CCSER1: variants seen among roughly 807,000 people sequenced by gnomAD.
CCSER1 encodes the protein coiled-coil serine rich protein 1.
In CCSER1, 41 loss-of-function variants were observed where a neutral mutation model predicts 82.0. That is an observed-to-expected ratio of 0.50 (90% CI 0.39 to 0.65). The LOEUF (loss-of-function observed/expected upper bound fraction) is 0.65. Among genes scored for constraint, CCSER1 ranks in the 30% least tolerant of loss-of-function variants. The pLI, the probability that CCSER1 is intolerant of heterozygous loss-of-function variation, is 0.00. For synonymous variants in CCSER1, 414 were observed against 383.9 expected (o/e 1.08, Z -0.92); for missense variants, 1,119 against 1,064.2 (o/e 1.05, Z -0.72).
chr4:91,046,758 T>C (rs932810099), intron 9 of CCSER1, among the ~76,000 whole-genome samples: 3 of 151,934 alleles, frequency 2.0e-5, no homozygotes, highest in Non-Finnish European at 4.4e-5. Context: ...TTGCTCTGTC[T>C]CCAGGCTGGA....
At chr4:90,802,278 T>C (rs1425606950) in intron 7 of CCSER1, among the ~76,000 whole-genome samples, 2 of 148,054 alleles carry the variant, frequency 1.4e-5, no homozygotes, top group Non-Finnish European at 3.0e-5. Context: ...ATATTATATG[T>C]AAATATATTT....
chr4:91,163,679 T>C (rs1302538258), intron 10 of CCSER1, among the ~76,000 whole-genome samples: 3 of 152,220 alleles, frequency 2.0e-5, no homozygotes, highest in Admixed American at 2.0e-4. Context: ...CCTTTACCCT[T>C]ATGTAATGGC....
At chr4:91,083,686 T>G (rs988678960) in intron 9 of CCSER1, among the ~76,000 whole-genome samples, 1 of 151,992 alleles carries the variant, frequency 6.6e-6, no homozygotes, top group Non-Finnish European at 1.5e-5. Context: ...AAATTAAACT[T>G]CTAGAAATGA....
At chr4:90,494,520 G>A (rs979129014) in intron 5 of CCSER1, among the ~76,000 whole-genome samples, 2 of 152,110 alleles carry the variant, frequency 1.3e-5, no homozygotes, top group Non-Finnish European at 2.9e-5. Flanking sequence ...TGGAAGTAAA[G>A]CACTCCTAAA....
chr4:90,653,966 T>G (rs1579738496), intron 6 of CCSER1, among the ~76,000 whole-genome samples: 1 of 152,214 alleles, frequency 6.6e-6, no homozygotes, highest in African/African-American at 2.4e-5. Context: ...AGCAAGAACC[T>G]TCTTTACATG....
chr4:91,366,752 C>T (rs1258043926), intron 10 of CCSER1, among the ~76,000 whole-genome samples: 1 of 152,288 alleles, frequency 6.6e-6, no homozygotes, highest in South Asian at 2.1e-4. Context: ...TGCTGGTAAT[C>T]CTGGTTGTTA....
chr4:91,387,034 A>C (rs1751342207), intron 10 of CCSER1, among the ~76,000 whole-genome samples: 1 of 152,048 alleles, frequency 6.6e-6, no homozygotes, highest in African/African-American at 2.4e-5. Flanking sequence ...CAGTCTTATA[A>C]AGAACAAAAT....
intron 10 of CCSER1, among the ~76,000 whole-genome samples, chr4:91,407,675 A>G (rs1326847298): frequency 6.6e-6 from 1 of 152,188 alleles, no homozygotes; most frequent in Non-Finnish European, 1.5e-5. Context: ...AAACAGGAGC[A>G]GGCTTCTATA....
intron 10 of CCSER1, among the ~76,000 whole-genome samples, chr4:91,154,401 C>T (rs964511165): frequency 6.6e-6 from 1 of 152,036 alleles, no homozygotes; most frequent in Non-Finnish European, 1.5e-5. Context: ...TTTCCTGGTG[C>T]CATTTGTTAC....
At chr4:90,127,942 C>G (rs1177372207) in intron 1 of CCSER1, 111 bp downstream of exon 1, 1 of 151,772 alleles carries the variant, frequency 6.6e-6, no homozygotes, top group Non-Finnish European at 1.5e-5. Context: ...GTGACCGCGC[C>G]GTGTCGGGGC....
At chr4:91,207,918 G>T (rs1736476882) in intron 10 of CCSER1, among the ~76,000 whole-genome samples, 1 of 151,606 alleles carries the variant, frequency 6.6e-6, no homozygotes, top group South Asian at 2.1e-4. Flanking sequence ...AATAACAGCC[G>T]TTCTGACTGG....
Position 90,309,577 on chromosome 4 carries a change from A to G in CCSER1, c.1293A>G (p.Thr431=). The change falls in exon 2 of 11, where the codon ACA becomes ACG. Residue 431 remains threonine, a synonymous_variant. Transcript: ENST00000509176. The part of the protein sequence containing the change: ...TSGDHHIFNK[T]SHGYEANPAK... ...GTGATCATCATATTTTTAACAAAACATCACATGGATATGAAGCAAATCCTG... is the reference window on the plus strand; with the variant it reads ...GTGATCATCATATTTTTAACAAAACGTCACATGGATATGAAGCAAATCCTG... The G allele has an allele frequency of 1.9e-6, 3 of 1,601,802 alleles. No individual in the cohort carries two copies. The highest frequency in any genetic ancestry group is 2.6e-6 in the Non-Finnish European group (3 of 1,175,570).
chr4:91,382,149 G>A (rs953567747), intron 10 of CCSER1, among the ~76,000 whole-genome samples: 25 of 152,142 alleles, frequency 1.6e-4, no homozygotes, highest in African/African-American at 4.3e-4. Context: ...AGCTGTGTTC[G>A]GTGTCAGTCT....
At position 90,966,631 on chromosome 4, in the gene CCSER1, G is replaced by A. The variant is rs559409932; in HGVS notation, c.2172+43184G>A. ...GACTGAAAGAGAAGGACAATAAATC[G>A]CCAATTGAATCCGTGGAAGGGATAA... On this transcript the variant is annotated intron_variant, in intron 9 of 10. Coordinates refer to ENST00000509176, the MANE Select transcript of CCSER1 (RefSeq NM_001145065.2). Among the ~76,000 whole-genome samples the A allele has an allele frequency of 3.3e-5, 5 of 152,174 alleles. 1 individual carries two copies. In the South Asian group the frequency reaches 6.2e-4, roughly 19 times the overall value.
intron 1 of CCSER1, among the ~76,000 whole-genome samples, chr4:90,193,442 GAGTT>G (rs1188947942): frequency 1.3e-5 from 2 of 152,040 alleles, no homozygotes; most frequent in African/African-American, 4.8e-5. Flanking sequence ...GAATACAAAA[GAGTT>G]AGGGTATCTT....
chr4:90,139,373 C>T (rs944951203), intron 1 of CCSER1, among the ~76,000 whole-genome samples: 5 of 152,152 alleles, frequency 3.3e-5, no homozygotes, highest in African/African-American at 1.2e-4. Flanking sequence ...ATTCCAAGTG[C>T]ATAAGCCATA....
At chr4:90,704,588 C>T (rs1165985734) in intron 6 of CCSER1, among the ~76,000 whole-genome samples, 1 of 152,200 alleles carries the variant, frequency 6.6e-6, no homozygotes, top group Non-Finnish European at 1.5e-5. Context: ...TGGTTCCATT[C>T]TCCCCATCAC....
chr4:90,445,717 T>C (rs150304590), intron 4 of CCSER1, among the ~76,000 whole-genome samples: 1 of 152,236 alleles, frequency 6.6e-6, no homozygotes, highest in African/African-American at 2.4e-5. Context: ...TTGTTGATGA[T>C]GTTATCATTG....
At chr4:90,144,779 T>A (rs1443750484) in intron 1 of CCSER1, among the ~76,000 whole-genome samples, 5 of 152,122 alleles carry the variant, frequency 3.3e-5, no homozygotes. Context: ...TGGGAAAATT[T>A]TTATGTAAAT....
Sources: allele counts gnomAD v4.1 joint callset (sites outside exome capture counted in the v4.1 genomes callset), GRCh38; gene constraint gnomAD v4.1.1; transcripts MANE v1.5; gene names NCBI Gene and HGNC (gene_info 2026-07-23, HGNC 2026-07-21).